RNF144B: variants seen among roughly 807,000 people sequenced by gnomAD.
The protein encoded by RNF144B is E3 ubiquitin-protein ligase RNF144B.
RNF144B carries 25 observed loss-of-function variants against 40.2 expected under a neutral mutation model. That is an observed-to-expected ratio of 0.62 (90% CI 0.45 to 0.87). The LOEUF is 0.87. Among genes scored for constraint, RNF144B ranks in the 40% least tolerant of loss-of-function variants. The probability of loss-of-function intolerance (pLI) is 0.00; values close to 1 mark genes in which losing one functional copy is unlikely to be tolerated. For missense variants in RNF144B, 365 were observed against 373.7 expected (o/e 0.98, Z 0.19); for synonymous variants, 145 against 136.3 (o/e 1.06, Z -0.44).
rs192683895 is a variant in RNF144B at position 18,456,732 on chromosome 6, G to A, written c.332-423G>A. Among the ~76,000 whole-genome samples the A allele has an allele frequency of 9.9e-5, 15 of 152,282 alleles. No individual in the cohort carries two copies. The South Asian group carries it at 3.1e-3, about 32-fold the overall frequency. ...ACTAATAGTAGAAATCCTCACCCTTGTTGTATTATACTTCCATAAATGTCA... is the reference window on the plus strand; with the variant it reads ...ACTAATAGTAGAAATCCTCACCCTTATTGTATTATACTTCCATAAATGTCA... On this transcript the variant is annotated intron_variant, in intron 4 of 7. Coordinates refer to ENST00000259939, the MANE Select transcript of RNF144B (RefSeq NM_182757.4). The surrounding 1 kb of genome is among the most constrained non-coding windows in gnomAD (Gnocchi z 4.7).
rs1426048323 is a variant in RNF144B, at chr6:18,442,777, A to C, written c.331+3033A>C. ...TTGCCTAGCCTAGATATTTCATATG[A>C]GTGGAATCATACAATATCTGTCCTT... On this transcript the variant is annotated intron_variant, in intron 4 of 7. Coordinates refer to ENST00000259939, the MANE Select transcript of RNF144B (RefSeq NM_182757.4). This position sits in a 1 kb window ranked among gnomAD's most constrained non-coding sequence, Gnocchi z 4.3. 6.6e-6 allele frequency among the ~76,000 whole-genome samples: 1 copy of C among 152,202 alleles called. No individual in the cohort carries two copies. Among genetic ancestry groups the C allele is most frequent in the South Asian group, 2.1e-4 (1 of 4,830 alleles).
intron 2 of RNF144B, among the ~76,000 whole-genome samples, chr6:18,407,822 G>A (rs1794943758): frequency 1.3e-5 from 2 of 151,992 alleles, no homozygotes; most frequent in Non-Finnish European, 2.9e-5. Flanking sequence ...TCAGTCCAAT[G>A]TAGGAAATAG....
chr6:18,427,656 C>T lies in RNF144B; in HGVS notation c.241C>T (p.Leu81=), dbSNP rs750602293. The change falls in exon 3 of 8, where the codon CTA becomes TTA. Residue 81 remains leucine (L), a synonymous_variant. Coordinates refer to ENST00000259939, the MANE Select transcript of RNF144B (RefSeq NM_182757.4). ...SPITCPDMVC[L]NHGTLQEAEI... ...CATCACTTGCCCTGACATGGTGTGCCTAAACCACGGGACCCTGCAGGAAGC... is the reference window on the plus strand; with the variant it reads ...CATCACTTGCCCTGACATGGTGTGCTTAAACCACGGGACCCTGCAGGAAGC... 2.1e-5 allele frequency: 34 copies of T among 1,613,212 alleles called. No homozygotes were observed. Among genetic ancestry groups the T allele is most frequent in the Admixed American group, 3.3e-5 (2 of 59,930 alleles).
intron 2 of RNF144B, among the ~76,000 whole-genome samples, chr6:18,404,094 A>C (rs538317555): frequency 6.6e-6 from 1 of 152,298 alleles, no homozygotes; most frequent in South Asian, 2.1e-4. Context: ...AACAAACCAT[A>C]TCCAAACCAT....
rs1759139074 is a variant in RNF144B, at chr6:18,448,684, GCATGCA to G, written c.332-8468_332-8463del. ...TAAATCCATTTTATTTTGAAAGCCAGCATGCACACACACACACACACACACACACAC... is the reference window on the plus strand; with the variant it reads ...TAAATCCATTTTATTTTGAAAGCCAGCACACACACACACACACACACACAC... On this transcript the variant is annotated intron_variant, in intron 4 of 7. Coordinates refer to ENST00000259939, the MANE Select transcript of RNF144B (RefSeq NM_182757.4). This position sits in a 1 kb window ranked among gnomAD's most constrained non-coding sequence, Gnocchi z 4.0. Among the ~76,000 whole-genome samples, 1 of 95,890 alleles carries G rather than the reference GCATGCA, an allele frequency of 1.0e-5. No homozygotes were observed. The highest frequency in any genetic ancestry group is 3.5e-5 in the African/African-American group (1 of 28,282). The allele number at this position is 95,890 out of a possible 152,430, so 62.9% of individuals were successfully genotyped here.
chr6:18,440,845 G>A (rs1758946699), intron 4 of RNF144B, among the ~76,000 whole-genome samples: 1 of 149,812 alleles, frequency 6.7e-6, no homozygotes, highest in Admixed American at 6.6e-5. Context: ...TTATCTCATG[G>A]GTGGATTACT....
intron 1 of RNF144B, 30 bp downstream of exon 1, chr6:18,387,660 A>C (rs1476556976): frequency 2.3e-6 from 3 of 1,288,338 alleles, no homozygotes; most frequent in Non-Finnish European, 3.0e-6. Context: ...TAAAGGCTAC[A>C]GGCGTTGCAA....
In RNF144B at chr6:18,405,141, G is replaced by GT. The variant is rs914024308; in HGVS notation, c.165+5449dup. 7.6e-5 allele frequency among the ~76,000 whole-genome samples: 9 copies of GT among 118,506 alleles called. No homozygotes were observed. Among genetic ancestry groups the GT allele is most frequent in the African/African-American group, 3.0e-4 (9 of 29,696 alleles). 77.7% of individuals were successfully genotyped at this position (118,506 alleles called of 152,430 possible). On this transcript the variant is annotated intron_variant, in intron 2 of 7. Coordinates refer to ENST00000259939, the MANE Select transcript of RNF144B (RefSeq NM_182757.4). This position sits in a 1 kb window ranked among gnomAD's most constrained non-coding sequence, Gnocchi z 4.5. ...CTAAATATGCTTGCTTGCAAGGTTA[G>GT]TTTTTTTCTTTATTATTATTATTAT...
chr6:18,458,683 C>G lies in RNF144B; in HGVS notation c.537-924C>G, dbSNP rs1275176178. On this transcript the variant is annotated intron_variant, in intron 5 of 7. Coordinates refer to ENST00000259939, the MANE Select transcript of RNF144B (RefSeq NM_182757.4). The surrounding 1 kb of genome is among the most constrained non-coding windows in gnomAD (Gnocchi z 4.8). ...CCACTCAGCCTCTGTGAGTCTGTTT[C>G]CCTATCTGAAAATAAGGGAATTAAG... Among the ~76,000 whole-genome samples the G allele has an allele frequency of 6.6e-6, 1 of 152,154 alleles. No homozygotes were observed. Among genetic ancestry groups the G allele is most frequent in the Non-Finnish European group, 1.5e-5 (1 of 68,034 alleles).
At chr6:18,431,030 C>T (rs1159825548) in intron 3 of RNF144B, among the ~76,000 whole-genome samples, 1 of 151,970 alleles carries the variant, frequency 6.6e-6, no homozygotes, top group Non-Finnish European at 1.5e-5. Flanking sequence ...ATCATGAGGT[C>T]AGGAGATCGA....
intron 2 of RNF144B, among the ~76,000 whole-genome samples, chr6:18,417,742 A>G (rs1158461499): frequency 6.6e-6 from 1 of 152,240 alleles, no homozygotes; most frequent in Non-Finnish European, 1.5e-5. Flanking sequence ...ATTGGACTTC[A>G]TCAAAATTAA....
rs1162818357 is a variant in RNF144B at position 18,400,540 on chromosome 6, G to C, written c.165+841G>C. On this transcript the variant is annotated intron_variant, in intron 2 of 7. Transcript: ENST00000259939. This position sits in a 1 kb window ranked among gnomAD's most constrained non-coding sequence, Gnocchi z 5.6. Reference sequence around the variant, plus strand: ...TGCAGAAGTGGGCTTATCTCTTTTAGTGTGACACCTGGTATCAACACCTGT... The same window carrying C: ...TGCAGAAGTGGGCTTATCTCTTTTACTGTGACACCTGGTATCAACACCTGT... 1.3e-5 allele frequency among the ~76,000 whole-genome samples: 2 copies of C among 152,092 alleles called. No individual in the cohort carries two copies. Among genetic ancestry groups the C allele is most frequent in the African/African-American group, 4.8e-5 (2 of 41,402 alleles).
rs560439197 is a variant in RNF144B at position 18,401,137 on chromosome 6, T to TTTAATTAAATTAAATTAAAATTGAA, written c.165+1442_165+1443insTTAAATTAAATTAAAATTGAATTAA. On this transcript the variant is annotated intron_variant, in intron 2 of 7. Coordinates refer to ENST00000259939, the MANE Select transcript of RNF144B (RefSeq NM_182757.4). ...AATATTTCACTGAGGGTTACTGCTGTTTAAAAGAATTCAATTTTTGCTATG... is the reference window on the plus strand; with the variant it reads ...AATATTTCACTGAGGGTTACTGCTGTTTAATTAAATTAAATTAAAATTGAATTAAAAGAATTCAATTTTTGCTATG... 6.9e-3 allele frequency among the ~76,000 whole-genome samples: 1,052 copies of TTTAATTAAATTAAATTAAAATTGAA among 152,304 alleles called. 8 individuals carry two copies. Among genetic ancestry groups the TTTAATTAAATTAAATTAAAATTGAA allele is most frequent in the Middle Eastern group, 0.017 (5 of 294 alleles).
At chr6:18,417,659 A>ATGATCT (rs959898703) in intron 2 of RNF144B, among the ~76,000 whole-genome samples, 3 of 152,176 alleles carry the variant, frequency 2.0e-5, no homozygotes, top group Admixed American at 6.5e-5. Context: ...AAAAATTTTC[A>ATGATCT]TGATCTTGGG....
intron 2 of RNF144B, among the ~76,000 whole-genome samples, chr6:18,424,526 A>G (rs1451602801): frequency 6.6e-6 from 1 of 152,178 alleles, no homozygotes; most frequent in Non-Finnish European, 1.5e-5. Context: ...ATCGTGGGTC[A>G]TATAATATTG....
intron 1 of RNF144B, among the ~76,000 whole-genome samples, chr6:18,390,637 C>A (rs1260912792): frequency 6.6e-6 from 1 of 152,186 alleles, no homozygotes; most frequent in African/African-American, 2.4e-5. Flanking sequence ...TTTGAAGTCA[C>A]GAGTTTGAGT....
chr6:18,446,029 A>T lies in RNF144B; in HGVS notation c.331+6285A>T, dbSNP rs78339391. Among the ~76,000 whole-genome samples, 1 of 152,204 alleles carries T rather than the reference A, an allele frequency of 6.6e-6. No individual in the cohort carries two copies. The highest frequency in any genetic ancestry group is 6.5e-5 in the Admixed American group (1 of 15,280). The stretch of plus-strand genomic sequence containing the variant: ...CCTTATAGGTCATTAGTGTGAGAAG[A>T]GAATGAGAAGAACAGCTCTTCATGT... On this transcript the variant is annotated intron_variant, in intron 4 of 7. Coordinates refer to ENST00000259939, the MANE Select transcript of RNF144B (RefSeq NM_182757.4). The surrounding 1 kb of genome is among the most constrained non-coding windows in gnomAD (Gnocchi z 4.7).
At chr6:18,449,559 T>G (rs1759161525) in intron 4 of RNF144B, among the ~76,000 whole-genome samples, 1 of 152,130 alleles carries the variant, frequency 6.6e-6, no homozygotes, top group Non-Finnish European at 1.5e-5. Flanking sequence ...ACCCTTAATA[T>G]TTTTAGCTCT....
chr6:18,400,075 T>C lies in RNF144B; in HGVS notation c.165+376T>C, dbSNP rs1476912357. The stretch of plus-strand genomic sequence containing the variant: ...TCACAAGGTCAGAAGATCGAGACCA[T>C]CCTAGCTAACATGGTAAAACCCCGT... On this transcript the variant is annotated intron_variant, in intron 2 of 7. Coordinates refer to ENST00000259939, the MANE Select transcript of RNF144B (RefSeq NM_182757.4). This position sits in a 1 kb window ranked among gnomAD's most constrained non-coding sequence, Gnocchi z 5.6. 6.6e-6 allele frequency among the ~76,000 whole-genome samples: 1 copy of C among 151,968 alleles called. No individual in the cohort carries two copies. Among genetic ancestry groups the C allele is most frequent in the Non-Finnish European group, 1.5e-5 (1 of 67,992 alleles).
Sources: allele counts gnomAD v4.1 joint callset (sites outside exome capture counted in the v4.1 genomes callset), GRCh38; gene constraint gnomAD v4.1.1; non-coding constraint Gnocchi (gnomAD v3.1); transcripts MANE v1.5; gene names NCBI Gene and HGNC (gene_info 2026-07-23, HGNC 2026-07-21).